Variants in PRKG1 observed in about 807,000 individuals in gnomAD.
PRKG1 encodes the protein protein kinase cGMP-dependent 1, also known as cGMP-dependent protein kinase 1.
Under a neutral mutation model 88.1 loss-of-function variants are expected in PRKG1, and 35 were observed. The ratio of observed to expected loss-of-function variants is 0.40; its 90% CI spans 0.30 to 0.53. The LOEUF is 0.53. Ranked by LOEUF, PRKG1 falls within the 20% of genes least tolerant of loss-of-function variation. PRKG1 has a pLI of 0.59. For synonymous variants in PRKG1, 303 were observed against 292.5 expected (o/e 1.04, Z -0.37); for missense variants, 540 against 839.8 (o/e 0.64, Z 4.41).
intron 4 of PRKG1, among the ~76,000 whole-genome samples, chr10:51,865,282 A>G (rs1386426721): frequency 6.6e-6 from 1 of 152,106 alleles, no homozygotes; most frequent in Non-Finnish European, 1.5e-5. Flanking sequence ...CTTTGTTACC[A>G]TTACATAGTC....
chr10:51,161,587 T>C (rs1393097694), intron 2 of PRKG1, among the ~76,000 whole-genome samples: 1 of 152,186 alleles, frequency 6.6e-6, no homozygotes, highest in Non-Finnish European at 1.5e-5. Flanking sequence ...GCTGTACTTG[T>C]TTTGAGATGA....
At chr10:51,756,284 T>A (rs966879041) in intron 3 of PRKG1, among the ~76,000 whole-genome samples, 1 of 152,064 alleles carries the variant, frequency 6.6e-6, no homozygotes, top group African/African-American at 2.4e-5. Context: ...GCCAGGACTT[T>A]GAAACCAGCC....
intron 2 of PRKG1, among the ~76,000 whole-genome samples, chr10:51,402,310 C>T (rs1016254041): frequency 1.3e-5 from 2 of 152,176 alleles, no homozygotes; most frequent in African/African-American, 4.8e-5. Flanking sequence ...CTATTTTCTC[C>T]ATGATGAAAA....
chr10:51,734,406 T>C (rs1041861475), intron 3 of PRKG1, among the ~76,000 whole-genome samples: 9 of 152,180 alleles, frequency 5.9e-5, no homozygotes, highest in African/African-American at 2.2e-4. Flanking sequence ...TGAGAGATAT[T>C]GTTATTTTAT....
At chr10:51,513,011 T>C (rs1421416599) in intron 3 of PRKG1, among the ~76,000 whole-genome samples, 3 of 149,808 alleles carry the variant, frequency 2.0e-5, no homozygotes, top group African/African-American at 7.4e-5. Flanking sequence ...AAGTGTCTGT[T>C]CATGTCCTTC....
intron 1 of PRKG1, among the ~76,000 whole-genome samples, chr10:51,035,722 C>T (rs1029151239): frequency 1.6e-4 from 25 of 152,046 alleles, no homozygotes; most frequent in African/African-American, 5.3e-4. Flanking sequence ...AAATTATAAA[C>T]TTATTACATG....
chr10:51,836,515 T>C, intron 4 of PRKG1, among the ~76,000 whole-genome samples: 1 of 152,110 alleles, frequency 6.6e-6, no homozygotes, highest in East Asian at 1.9e-4. Flanking sequence ...GCATTTCCCA[T>C]ATGTTTTCTT....
intron 3 of PRKG1, among the ~76,000 whole-genome samples, chr10:51,537,471 G>A (rs1385592421): frequency 5.9e-5 from 9 of 152,038 alleles, no homozygotes; most frequent in African/African-American, 2.2e-4. Flanking sequence ...GGTGGCTCAC[G>A]CCTGTAATCC....
At chr10:52,066,189 A>G (rs1435209670) in intron 7 of PRKG1, among the ~76,000 whole-genome samples, 1 of 152,080 alleles carries the variant, frequency 6.6e-6, no homozygotes, top group African/African-American at 2.4e-5. Context: ...CTCAGCCATG[A>G]TTTTACATTG....
chr10:52,282,131 C>T, intron 13 of PRKG1, 22 bp from the exon 14 acceptor site: 1 of 1,562,258 alleles, frequency 6.4e-7, no homozygotes. Flanking sequence ...GCTTAAGTAT[C>T]TTGTTTTTCT....
intron 2 of PRKG1, among the ~76,000 whole-genome samples, chr10:51,351,725 T>C (rs1000586784): frequency 6.6e-6 from 1 of 152,218 alleles, no homozygotes; most frequent in Non-Finnish European, 1.5e-5. Context: ...TTTCTTTTGC[T>C]GTGCAGAACT....
chr10:51,924,816 G>A (rs887703881), intron 5 of PRKG1, among the ~76,000 whole-genome samples: 2 of 150,014 alleles, frequency 1.3e-5, no homozygotes, highest in African/African-American at 4.9e-5. Context: ...CAGCCATGTT[G>A]AGTCTACTGA....
intron 3 of PRKG1, among the ~76,000 whole-genome samples, chr10:51,619,978 TG>T (rs1337864985): frequency 6.6e-6 from 1 of 152,150 alleles, no homozygotes; most frequent in Non-Finnish European, 1.5e-5. Flanking sequence ...GACTCCAGAT[TG>T]AAACATGCCA....
intron 2 of PRKG1, among the ~76,000 whole-genome samples, chr10:51,176,853 C>T (rs1589221930): frequency 6.6e-6 from 1 of 152,074 alleles, no homozygotes; most frequent in Non-Finnish European, 1.5e-5. Flanking sequence ...CAAATTTTAT[C>T]CATTCCTAAG....
At chr10:51,352,215 T>G (rs926139719) in intron 2 of PRKG1, among the ~76,000 whole-genome samples, 1 of 152,134 alleles carries the variant, frequency 6.6e-6, no homozygotes, top group Admixed American at 6.6e-5. Flanking sequence ...TAGGATTGTC[T>G]TGGCTATGCA....
At chr10:51,467,700 T>G in intron 2 of PRKG1, 23 bp from the exon 3 acceptor site, 1 of 1,536,456 alleles carries the variant, frequency 6.5e-7, no homozygotes, top group Non-Finnish European at 9.0e-7. Flanking sequence ...TTATATAACA[T>G]GTTTTTCCCT....
chr10:51,765,148 T>C (rs117408264), intron 3 of PRKG1, among the ~76,000 whole-genome samples: 1,536 of 152,298 alleles, frequency 0.01, 7 homozygotes, highest in Middle Eastern at 0.02. Context: ...CTTTTAGGTA[T>C]CCTTGCTTTT....
chr10:51,663,673 AGCCACTGGGAAACAGT>A (rs1395794991), intron 3 of PRKG1, among the ~76,000 whole-genome samples: 3 of 150,384 alleles, frequency 2.0e-5, no homozygotes, highest in African/African-American at 7.3e-5. Context: ...GCTATGATCA[AGCCACTGGGAAACAGT>A]GAGACCCTGT....
At chr10:52,045,893 C>T (rs1183649282) in intron 5 of PRKG1, among the ~76,000 whole-genome samples, 4 of 151,990 alleles carry the variant, frequency 2.6e-5, no homozygotes, top group Admixed American at 1.3e-4. Flanking sequence ...AGGAGAAAGG[C>T]TCTGACTGTG....
Sources: allele counts gnomAD v4.1 joint callset (sites outside exome capture counted in the v4.1 genomes callset), GRCh38; gene constraint gnomAD v4.1.1; transcripts MANE v1.5; gene names NCBI Gene and HGNC (gene_info 2026-07-23, HGNC 2026-07-21).